The following DKK4 variants were observed in gnomAD, a reference collection of about 807,000 sequenced individuals.
The protein encoded by DKK4 is dickkopf Wnt signaling pathway inhibitor 4.
A neutral mutation model predicts 14.5 loss-of-function variants in DKK4; 15 were observed. The observed-to-expected ratio is 1.03, with a 90% confidence interval of 0.69 to 1.59. The LOEUF is 1.59. Ranked by LOEUF, DKK4 falls within the 40% of genes most tolerant of loss-of-function variation. The pLI is 0.00. For missense variants in DKK4, 272 were observed against 280.3 expected (o/e 0.97, Z 0.21); for synonymous variants, 89 against 105.2 (o/e 0.85, Z 0.94).
chr8:42,390,449 C>T, the DKK4 span, among the ~76,000 whole-genome samples: 2 of 147,946 alleles, frequency 1.4e-5, no homozygotes, highest in Non-Finnish European at 3.0e-5. Context: ...CTGCAAGCTC[C>T]GCCTCCCGGG....
At chr8:42,390,807 T>G in the DKK4 span, among the ~76,000 whole-genome samples, 14 of 152,218 alleles carry the variant, frequency 9.2e-5, no homozygotes, top group Non-Finnish European at 1.6e-4. Flanking sequence ...GAATATTATC[T>G]CTGTGTCCCT....
the DKK4 span, among the ~76,000 whole-genome samples, chr8:42,389,664 A>C: frequency 3.3e-5 from 5 of 152,006 alleles, no homozygotes; most frequent in African/African-American, 1.2e-4. Context: ...TTTTTATTTC[A>C]AAAAAAATTT....
chr8:42,389,950 G>A, the DKK4 span, among the ~76,000 whole-genome samples: 1 of 150,458 alleles, frequency 6.6e-6, no homozygotes, highest in Admixed American at 6.6e-5. Flanking sequence ...GGAGTGCAAT[G>A]GCACGATCTT....
chr8:42,389,563 G>A, the DKK4 span, among the ~76,000 whole-genome samples: 1 of 152,080 alleles, frequency 6.6e-6, no homozygotes, highest in African/African-American at 2.4e-5. Context: ...TCACACAGCG[G>A]TCAAATCTGA....
intron 1 of DKK4, among the ~76,000 whole-genome samples, chr8:42,376,416 TATA>T (rs1313597899): frequency 2.0e-5 from 3 of 152,234 alleles, no homozygotes; most frequent in Non-Finnish European, 4.4e-5. Flanking sequence ...CTATACGATA[TATA>T]ATAACATATA....
In DKK4 at chr8:42,376,973, T is replaced by C. The variant is rs758445671; in HGVS notation, c.73A>G (p.Asn25Asp). The change falls in exon 1 of 4, where the codon AAC becomes GAC. Residue 25 changes from asparagine to aspartate, a missense_variant. By Grantham distance (23) the Asn-to-Asp change is conservative. Coordinates refer to ENST00000220812, the MANE Select transcript of DKK4 (RefSeq NM_014420.3). ...TGCAGGTCAGCAGAGCTCCTGATGT[T>C]GTTGAAGTCCAGGACCAGAGCTCCC... is the stretch of plus-strand genomic sequence containing the variant. ...PLGALVLDFNNIRSSADLHGA... is the reference protein window; with the variant it reads ...PLGALVLDFNDIRSSADLHGA... The C allele has an allele frequency of 1.9e-6, 3 of 1,613,800 alleles. No individual in the cohort carries two copies. Among genetic ancestry groups the C allele is most frequent in the African/African-American group, 2.7e-5 (2 of 74,976 alleles).
At chr8:42,375,490 G>A (rs1824538586) in intron 2 of DKK4, among the ~76,000 whole-genome samples, 190 bp downstream of exon 2, 1 of 151,146 alleles carries the variant, frequency 6.6e-6, no homozygotes, top group African/African-American at 2.4e-5. Context: ...GCAGTGAGCT[G>A]TGGACAACAA....
At position 42,374,312 on chromosome 8, in the gene DKK4, G is replaced by C; in HGVS notation, c.463C>G (p.Leu155Val). ...GTCCAAAAATGACGAGCACAGCAAA[G>C]TCCAGGGCCACAGTCAAAAGTTCTC... ...CLRTFDCGPG[L>V]CCARHFWTKI... Residue 155 changes from leucine to valine, a missense_variant, in exon 4 of 4, where the codon CTT (leucine) becomes GTT (valine). By Grantham distance (32) the Leu-to-Val change is conservative. Transcript: ENST00000220812. 4 of 1,614,036 alleles carry C rather than the reference G, an allele frequency of 2.5e-6. No individual in the cohort carries two copies. Among genetic ancestry groups the C allele is most frequent in the Non-Finnish European group, 3.4e-6 (4 of 1,180,010 alleles).
Position 42,377,075 on chromosome 8 carries a change from C to G in DKK4, c.-30G>C. The G allele has an allele frequency of 6.3e-7, 1 of 1,588,702 alleles. No individual in the cohort carries two copies. The highest frequency in any genetic ancestry group is 8.6e-7 in the Non-Finnish European group (1 of 1,162,812). Reference sequence around the variant, plus strand: ...CAATCCCGGGGCTCCTGGAGGGTCCCAGCACTGTGCGTCACCAAAGCGAGG... The same window carrying G: ...CAATCCCGGGGCTCCTGGAGGGTCCGAGCACTGTGCGTCACCAAAGCGAGG... On this transcript the variant is annotated 5_prime_UTR_variant, in exon 1 of 4. Transcript: ENST00000220812.
chr8:42,390,654 A>G, the DKK4 span, among the ~76,000 whole-genome samples: 1 of 152,040 alleles, frequency 6.6e-6, no homozygotes, highest in South Asian at 2.1e-4. Context: ...GCTTCCTTTA[A>G]CCTAGAGCAG....
chr8:42,379,368 TATATATATATAGAGAGAGAGAGAGAG>T (rs1563415664), upstream of DKK4, among the ~76,000 whole-genome samples: 3 of 49,502 alleles, frequency 6.1e-5, no homozygotes, highest in East Asian at 1.3e-3. Flanking sequence ...TATATATATA[TATATATATATAGAGAGAGAGAGAGAG>T]AGAGAGAGAG....
At chr8:42,374,687 TCA>T in intron 3 of DKK4, 72 bp downstream of exon 3, 2 of 1,580,554 alleles carry the variant, frequency 1.3e-6, no homozygotes, top group South Asian at 2.3e-5. Flanking sequence ...AAAATCAGTC[TCA>T]CCCTATCCTT....
rs1179469409 is a variant in DKK4, at chr8:42,374,839, C to G, written c.337G>C (p.Glu113Gln). 1 of 1,614,098 alleles carries G rather than the reference C, an allele frequency of 6.2e-7. No homozygotes were observed. Among genetic ancestry groups the G allele is most frequent in the East Asian group, 2.2e-5 (1 of 44,900 alleles). ...TGGACTGGGTGCCCAGTTGTTCCTT[C>G]TGCATGTGTGCCATCTTGCTCATCA... ...QLDEQDGTHAEGTTGHPVQEN... is the reference protein window; with the variant it reads ...QLDEQDGTHAQGTTGHPVQEN... Residue 113 changes from glutamate (E) to glutamine (Q), a missense_variant, in exon 3 of 4, where the codon GAA becomes CAA. Transcript: ENST00000220812.
upstream of DKK4, among the ~76,000 whole-genome samples, chr8:42,380,388 AAAGG>A (rs1824650041): frequency 7.4e-6 from 1 of 134,338 alleles, no homozygotes; most frequent in Admixed American, 7.0e-5. Flanking sequence ...AGAAAGAAAG[AAAGG>A]AAGGAAGGAA....
chr8:42,375,846 GTTA>G lies in DKK4; in HGVS notation c.112-19_112-17del. 6.2e-7 allele frequency: 1 copy of G among 1,612,984 alleles called. No homozygotes were observed. Among genetic ancestry groups the G allele is most frequent in the South Asian group, 1.1e-5 (1 of 90,898 alleles). ...ACTGTGAGCCCTGTGGAGGGAATCT[GTTA>G]TCACAAGGCTAGGAAACCCCCAACA... On this transcript the variant is annotated splice_polypyrimidine_tract_variant and intron_variant, in intron 1 of 3. Coordinates refer to ENST00000220812, the MANE Select transcript of DKK4 (RefSeq NM_014420.3).
At chr8:42,378,610 A>C (rs1326679644), upstream of DKK4, among the ~76,000 whole-genome samples, 1 of 152,114 alleles carries the variant, frequency 6.6e-6, no homozygotes, top group Non-Finnish European at 1.5e-5. Context: ...TAAAGGAAAG[A>C]GCCCCCAGGG....
chr8:42,376,436 C>T (rs1409878769), intron 1 of DKK4, among the ~76,000 whole-genome samples: 1 of 152,144 alleles, frequency 6.6e-6, no homozygotes, highest in Non-Finnish European at 1.5e-5. Flanking sequence ...TATACACATA[C>T]ATAAAGCGAT....
Position 42,375,742 on chromosome 8 carries a change from C to A in DKK4, c.200G>T (p.Arg67Leu), listed in dbSNP as rs771943105. 3.7e-6 allele frequency: 6 copies of A among 1,613,944 alleles called. No individual in the cohort carries two copies. In the African/African-American group the frequency reaches 5.3e-5, roughly 14 times the overall value. ...RDEKPFCATCRGLRRRCQRDA... is the reference protein window; with the variant it reads ...RDEKPFCATCLGLRRRCQRDA... ...TCGCTGGCACCTCCTCCGCAACCCA[C>A]GACATGTAGCACAGAACGGCTTCTC... is the stretch of plus-strand genomic sequence containing the variant. The change falls in exon 2 of 4, where the codon CGT becomes CTT. Residue 67 changes from arginine to leucine, a missense_variant. Arg to Leu is a moderately radical substitution (Grantham distance 102). Coordinates refer to ENST00000220812, the MANE Select transcript of DKK4 (RefSeq NM_014420.3).
the DKK4 span, among the ~76,000 whole-genome samples, chr8:42,386,852 CT>C: frequency 2.0e-5 from 3 of 152,204 alleles, no homozygotes; most frequent in Non-Finnish European, 4.4e-5. Flanking sequence ...ATATCCTACA[CT>C]CAGGGTAATT....
Sources: allele counts gnomAD v4.1 joint callset (sites outside exome capture counted in the v4.1 genomes callset), GRCh38; gene constraint gnomAD v4.1.1; transcripts MANE v1.5; gene names NCBI Gene and HGNC (gene_info 2026-07-23, HGNC 2026-07-21).